The following ORC4 variants were observed in gnomAD, a reference collection of about 807,000 sequenced individuals.
ORC4 encodes the protein origin recognition complex, subunit 4 homolog.
A neutral mutation model predicts 63.9 loss-of-function variants in ORC4; 55 were observed. The observed-to-expected ratio is 0.86, with a 90% CI of 0.69 to 1.08. The LOEUF is 1.08. Among genes scored for constraint, ORC4 ranks in the 50% least tolerant of loss-of-function variants. The pLI is 0.00. For missense variants in ORC4, 511 were observed against 504.4 expected, an observed-to-expected ratio of 1.01 and a Z score of -0.13; for synonymous variants, 150 against 168.5, an observed-to-expected ratio of 0.89 and a Z score of 0.85.
In ORC4 at chr2:147,930,968, C is replaced by T. The variant is rs1355247076; in HGVS notation, c.*4542G>A. 2 of 149,760 alleles carry T rather than the reference C, an allele frequency of 1.3e-5. No individual in the cohort carries two copies. Among genetic ancestry groups the T allele is most frequent in the African/African-American group, 2.5e-5 (1 of 40,774 alleles). The allele number at this position is 149,760 out of a possible 1,614,324, so 9.3% of individuals were successfully genotyped here. On this transcript the variant is annotated 3_prime_UTR_variant, in exon 14 of 14. Transcript: ENST00000392857. Reference sequence around the variant, plus strand: ...TGCGCTGCACCCACTAACTCGTCATCTAGCATTAGGTATATCTCCTAATGC... The same window carrying T: ...TGCGCTGCACCCACTAACTCGTCATTTAGCATTAGGTATATCTCCTAATGC...
At chr2:148,010,515 C>T (rs1692899289) in intron 1 of ORC4, among the ~76,000 whole-genome samples, 2 of 151,942 alleles carry the variant, frequency 1.3e-5, no homozygotes, top group South Asian at 2.1e-4. Flanking sequence ...GGAGACATTA[C>T]AATTGATATC....
chr2:147,993,720 T>C (rs567329042), intron 1 of ORC4, among the ~76,000 whole-genome samples: 10 of 151,828 alleles, frequency 6.6e-5, no homozygotes, highest in Non-Finnish European at 5.9e-5. Flanking sequence ...AATTAGGGGG[T>C]TGGGGGCTTA....
intron 13 of ORC4, chr2:147,936,205 C>G (rs1688040959): frequency 6.1e-6 from 1 of 162,662 alleles, no homozygotes; most frequent in Admixed American, 5.8e-5. Context: ...TTCAGCTGAT[C>G]CTGTAAGTAA....
At chr2:148,021,259 C>G (rs901317325), upstream of ORC4, 5 of 286,220 alleles carry the variant, frequency 1.7e-5, no homozygotes, top group Admixed American at 4.1e-5. Flanking sequence ...CTTCCCCCAC[C>G]CTCCAGCCCT....
rs1558820710 is a variant in ORC4, at chr2:147,931,156, TTCA to T, written c.*4351_*4353del. The T allele has an allele frequency of 1.3e-5, 2 of 150,434 alleles. No homozygotes were observed. The highest frequency in any genetic ancestry group is 1.3e-4 in the Admixed American group (2 of 15,008). 9.3% of individuals were successfully genotyped at this position (150,434 alleles called of 1,614,324 possible). A position where few individuals can be genotyped will look rare whatever the true frequency, so the allele number is the denominator to read the frequency against. ...TTTACTGAGAATGATGATTTCCAAT[TTCA>T]TCCATGTCCCTACAAAGGACATGAA... On this transcript the variant is annotated 3_prime_UTR_variant, in exon 14 of 14. Transcript: ENST00000392857.
intron 4 of ORC4, among the ~76,000 whole-genome samples, chr2:147,962,419 C>T (rs1266293659): frequency 1.3e-5 from 2 of 152,170 alleles, no homozygotes; most frequent in Non-Finnish European, 2.9e-5. Context: ...CCAGAGCCAC[C>T]TCTGTTGTGC....
At chr2:148,010,723 C>T (rs1260425694) in intron 1 of ORC4, among the ~76,000 whole-genome samples, 3 of 151,996 alleles carry the variant, frequency 2.0e-5, no homozygotes, top group Non-Finnish European at 4.4e-5. Flanking sequence ...ACAGAAAAGG[C>T]CAGGACTTCA....
rs1353108754 is a variant in ORC4 at position 147,933,951 on chromosome 2, TGAAGAGCTACTTTA to T, written c.*1545_*1558del. 1 of 152,180 alleles carries T rather than the reference TGAAGAGCTACTTTA, an allele frequency of 6.6e-6. No individual in the cohort carries two copies. Among genetic ancestry groups the T allele is most frequent in the African/African-American group, 2.4e-5 (1 of 41,450 alleles). 9.4% of individuals were successfully genotyped at this position (152,180 alleles called of 1,614,324 possible). On this transcript the variant is annotated 3_prime_UTR_variant, in exon 14 of 14. Coordinates refer to ENST00000392857, the MANE Select transcript of ORC4 (RefSeq NM_181741.4). ...ATGCAAAAGAATAGGTTGTAACTACTGAAGAGCTACTTTATGCTCAGAAACCTTTTATTCCACTT... is the reference window on the plus strand; with the variant it reads ...ATGCAAAAGAATAGGTTGTAACTACTTGCTCAGAAACCTTTTATTCCACTT...
chr2:147,997,821 T>A (rs1021093717), intron 1 of ORC4, among the ~76,000 whole-genome samples: 1 of 152,210 alleles, frequency 6.6e-6, no homozygotes, highest in Non-Finnish European at 1.5e-5. Context: ...TCAAATCTTG[T>A]ACTTTACAAT....
chr2:147,979,934 T>C (rs1690775384), intron 1 of ORC4, among the ~76,000 whole-genome samples: 1 of 151,940 alleles, frequency 6.6e-6, no homozygotes, highest in Non-Finnish European at 1.5e-5. Flanking sequence ...TAAAAATGGA[T>C]TAAAGACAAA....
Position 147,960,172 on chromosome 2 carries a change from A to AT in ORC4, c.226-1307dup, listed in dbSNP as rs1020984347. On this transcript the variant is annotated intron_variant, in intron 4 of 13. Transcript: ENST00000392857. ...GCTAAAAGGAATGGGGATTTTAATAATACCTTCCATTTTATATATGCATAA... is the reference window on the plus strand; with the variant it reads ...GCTAAAAGGAATGGGGATTTTAATAATTACCTTCCATTTTATATATGCATAA... 19 of 697,578 alleles carry AT rather than the reference A, an allele frequency of 2.7e-5. No individual in the cohort carries two copies. In the Admixed American group the frequency reaches 3.2e-4, roughly 12 times the overall value. The allele number at this position is 697,578 out of a possible 1,614,324, so 43.2% of individuals were successfully genotyped here.
chr2:148,011,555 AT>A (rs1692969664), intron 1 of ORC4, among the ~76,000 whole-genome samples: 1 of 152,206 alleles, frequency 6.6e-6, no homozygotes, highest in Admixed American at 6.5e-5. Context: ...TTATTCTAGG[AT>A]CTAGAAGAAG....
intron 4 of ORC4, among the ~76,000 whole-genome samples, chr2:147,966,041 A>AT (rs1270323685): frequency 5.3e-5 from 8 of 152,082 alleles, no homozygotes; most frequent in Non-Finnish European, 8.8e-5. Context: ...CCTGGTCTAT[A>AT]TTTTTTTTAA....
At chr2:147,966,728 G>A (rs1689915250) in intron 4 of ORC4, among the ~76,000 whole-genome samples, 1 of 151,988 alleles carries the variant, frequency 6.6e-6, no homozygotes, top group Non-Finnish European at 1.5e-5. Context: ...TTCCAACAAA[G>A]GAAAATCCAG....
chr2:147,938,029 A>C, intron 13 of ORC4, 117 bp downstream of exon 13: 1 of 748,244 alleles, frequency 1.3e-6, no homozygotes, highest in Non-Finnish European at 2.3e-6. Context: ...TCTTGTTTTG[A>C]AAAAAATCTC....
chr2:147,982,304 C>T (rs1288941483), intron 1 of ORC4, among the ~76,000 whole-genome samples: 1 of 152,124 alleles, frequency 6.6e-6, no homozygotes, highest in Non-Finnish European at 1.5e-5. Flanking sequence ...GTTTATGATG[C>T]TCTTGACTAT....
chr2:147,993,883 AT>A (rs1324270324), intron 1 of ORC4, among the ~76,000 whole-genome samples: 2 of 152,140 alleles, frequency 1.3e-5, no homozygotes, highest in Non-Finnish European at 2.9e-5. Context: ...GTTTTATTAT[AT>A]TTTTATCATT....
intron 4 of ORC4, among the ~76,000 whole-genome samples, chr2:147,960,890 A>G (rs1047382578): frequency 6.6e-6 from 1 of 152,164 alleles, no homozygotes; most frequent in African/African-American, 2.4e-5. Flanking sequence ...GTCTCTTAAA[A>G]CAAAAAAAGG....
At chr2:147,957,908 T>C (rs998412580) in intron 6 of ORC4, among the ~76,000 whole-genome samples, 2 of 152,120 alleles carry the variant, frequency 1.3e-5, no homozygotes, top group Non-Finnish European at 1.5e-5. Flanking sequence ...ATTTAGCACA[T>C]TTTCTACTAT....
Sources: gnomAD v4.1 joint callset for allele counts (sites outside exome capture counted in the v4.1 genomes callset) on GRCh38, gnomAD v4.1.1 for gene constraint, MANE v1.5 for transcripts, NCBI Gene and HGNC (gene_info 2026-07-23, HGNC 2026-07-21) for gene names.